The following CERT1 variants were observed in gnomAD, a reference collection of about 807,000 sequenced individuals.
CERT1 encodes the protein ceramide transfer protein.
Under a neutral mutation model 87.9 loss-of-function variants are expected in CERT1, and 31 were observed. The ratio of observed to expected loss-of-function variants is 0.35; its 90% CI spans 0.27 to 0.48. CERT1 has a LOEUF of 0.48. Ranked by LOEUF, CERT1 falls within the 20% of genes least tolerant of loss-of-function variation. CERT1 has a pLI of 0.99. For missense variants in CERT1, 487 were observed against 758.0 expected (o/e 0.64, Z 4.20); for synonymous variants, 289 against 250.9 (o/e 1.15, Z -1.44).
At chr5:75,444,729 T>A (rs1764468333) in intron 3 of CERT1, among the ~76,000 whole-genome samples, 2 of 152,046 alleles carry the variant, frequency 1.3e-5, no homozygotes, top group Non-Finnish European at 2.9e-5. Context: ...GTATTTTTAG[T>A]AGAGACTGGG....
chr5:75,397,743 G>A (rs986020886), intron 11 of CERT1, among the ~76,000 whole-genome samples: 4 of 152,106 alleles, frequency 2.6e-5, no homozygotes, highest in Admixed American at 1.3e-4. Flanking sequence ...ACGCAGGGCC[G>A]GGCATGGTGG....
intron 2 of CERT1, among the ~76,000 whole-genome samples, chr5:75,488,331 A>G: frequency 6.6e-6 from 1 of 152,124 alleles, no homozygotes; most frequent in African/African-American, 2.4e-5. Context: ...CTATGTACTC[A>G]TAATATTTTT....
At chr5:75,451,234 T>G (rs541153739) in intron 3 of CERT1, among the ~76,000 whole-genome samples, 1 of 152,292 alleles carries the variant, frequency 6.6e-6, no homozygotes, top group South Asian at 2.1e-4. Context: ...GGCAGTTAAC[T>G]CCCATTATTA....
chr5:75,469,904 G>C (rs79393689), intron 2 of CERT1, among the ~76,000 whole-genome samples: 2,225 of 152,136 alleles, frequency 0.015, 62 homozygotes, highest in African/African-American at 0.052. Flanking sequence ...GAAACCAAAA[G>C]ACAGTAGGAA....
At chr5:75,386,189 A>G (rs1401078329) in intron 12 of CERT1, 155 bp from the exon 13 acceptor site, 1 of 531,342 alleles carries the variant, frequency 1.9e-6, no homozygotes, top group African/African-American at 2.0e-5. Flanking sequence ...TTTCAAATTA[A>G]CAGACAAAAA....
At chr5:75,506,168 T>C (rs1312945401) in intron 1 of CERT1, 52 bp from the exon 2 acceptor site, 5 of 1,565,666 alleles carry the variant, frequency 3.2e-6, no homozygotes, top group Non-Finnish European at 4.3e-6. Flanking sequence ...AATAGAAGTA[T>C]TTTAGAAATC....
At chr5:75,432,894 C>A (rs191735523) in intron 3 of CERT1, among the ~76,000 whole-genome samples, 5 of 152,156 alleles carry the variant, frequency 3.3e-5, no homozygotes, top group South Asian at 2.1e-4. Flanking sequence ...AGGAAGGCAT[C>A]CAGTTTCAAT....
intron 5 of CERT1, among the ~76,000 whole-genome samples, 177 bp from the exon 6 acceptor site, chr5:75,419,601 C>T (rs1422532210): frequency 6.6e-6 from 1 of 152,130 alleles, no homozygotes; most frequent in Non-Finnish European, 1.5e-5. Context: ...TATCAAGGAA[C>T]TTTTAAAGAA....
chr5:75,437,782 A>G (rs943781653), intron 3 of CERT1, among the ~76,000 whole-genome samples: 54 of 128,910 alleles, frequency 4.2e-4, no homozygotes, highest in Non-Finnish European at 8.3e-4. Context: ...AAAAAAAAAA[A>G]AAAAGAAAAA....
chr5:75,461,722 T>C (rs1411061674), intron 2 of CERT1, among the ~76,000 whole-genome samples: 1 of 151,842 alleles, frequency 6.6e-6, no homozygotes, highest in Non-Finnish European at 1.5e-5. Flanking sequence ...TTCTACCATC[T>C]ATGATCTGGA....
chr5:75,410,329 G>C (rs1234279172), intron 8 of CERT1, among the ~76,000 whole-genome samples: 2 of 152,034 alleles, frequency 1.3e-5, no homozygotes, highest in Non-Finnish European at 2.9e-5. Context: ...CTCACAGTAG[G>C]CCGGGCGGGG....
chr5:75,389,235 CACA>C (rs1761933930), intron 12 of CERT1, among the ~76,000 whole-genome samples: 1 of 152,072 alleles, frequency 6.6e-6, no homozygotes, highest in African/African-American at 2.4e-5. Context: ...GTCATCTAGG[CACA>C]ACATTCAGTA....
intron 9 of CERT1, 21 bp downstream of exon 9, chr5:75,402,951 A>G: frequency 6.7e-7 from 1 of 1,488,756 alleles, no homozygotes; most frequent in East Asian, 2.3e-5. Flanking sequence ...TTCAGCTTAG[A>G]ATTTTCAATA....
intron 2 of CERT1, among the ~76,000 whole-genome samples, chr5:75,471,262 T>A (rs1765694942): frequency 6.6e-6 from 1 of 152,196 alleles, no homozygotes. Flanking sequence ...AGCTATACAG[T>A]ACAGCTTATT....
At chr5:75,403,907 C>A (rs1477323229) in intron 8 of CERT1, among the ~76,000 whole-genome samples, 1 of 152,136 alleles carries the variant, frequency 6.6e-6, no homozygotes, top group African/African-American at 2.4e-5. Flanking sequence ...GATAAACATA[C>A]AAAGAACAAT....
In CERT1 at chr5:75,389,555, C is replaced by T. The variant is rs538477722; in HGVS notation, c.1284+37G>A. The T allele has an allele frequency of 1.1e-4, 165 of 1,486,884 alleles. 1 individual carries two copies. In the South Asian group the frequency reaches 1.4e-3, roughly 13 times the overall value. 92.1% of individuals were successfully genotyped at this position (1,486,884 alleles called of 1,614,324 possible). A position where few individuals can be genotyped will look rare whatever the true frequency, so the allele number is the denominator to read the frequency against. On this transcript the variant is annotated intron_variant, in intron 12 of 16. Transcript: ENST00000643780. ...AATGATAATATGACTGAAACAGAGA[C>T]GCCTTTGGCAATCTATAACATTTCA...
chr5:75,410,994 A>C lies in CERT1; in HGVS notation c.930+17T>G, dbSNP rs548876823. 7.1e-7 allele frequency: 1 copy of C among 1,403,032 alleles called. No homozygotes were observed. Among genetic ancestry groups the C allele is most frequent in the South Asian group, 1.3e-5 (1 of 79,822 alleles). The allele number at this position is 1,403,032 out of a possible 1,614,324, so 86.9% of individuals were successfully genotyped here. On this transcript the variant is annotated intron_variant, in intron 8 of 16. Coordinates refer to ENST00000643780, the MANE Select transcript of CERT1 (RefSeq NM_001379029.1). ...ATGATCTATGTGTTTCTCTAAGATC[A>C]AAATATAAATTCATACTTCATAATC...
At chr5:75,438,996 GGTCA>G (rs1764203660) in intron 3 of CERT1, among the ~76,000 whole-genome samples, 1 of 150,490 alleles carries the variant, frequency 6.6e-6, no homozygotes, top group Non-Finnish European at 1.5e-5. Context: ...CACTAGAGGA[GGTCA>G]GTAATATTTT....
intron 17 of CERT1, chr5:75,372,226 A>G (rs1007354231): frequency 1.3e-5 from 2 of 152,214 alleles, no homozygotes; most frequent in Non-Finnish European, 2.9e-5. Context: ...TAGTTACCAG[A>G]AATGGCAAAC....
Sources: allele counts gnomAD v4.1 joint callset (sites outside exome capture counted in the v4.1 genomes callset), GRCh38; gene constraint gnomAD v4.1.1; transcripts MANE v1.5; gene names NCBI Gene and HGNC (gene_info 2026-07-23, HGNC 2026-07-21).